The following CHSY3 variants were observed in gnomAD, a reference collection of about 807,000 sequenced individuals.
CHSY3 encodes the protein N-acetylgalactosaminyl-proteoglycan 3-beta-glucuronosyltransferase 3.
Under a neutral mutation model 67.2 loss-of-function variants are expected in CHSY3, and 35 were observed. The ratio of observed to expected loss-of-function variants is 0.52; its 90% CI spans 0.40 to 0.69. The LOEUF (loss-of-function observed/expected upper bound fraction) is 0.69, where lower values mean the gene tolerates loss of function less well. Among genes scored for constraint, CHSY3 ranks in the 30% least tolerant of loss-of-function variants. The pLI, the probability that CHSY3 is intolerant of heterozygous loss-of-function variation, is 0.00. For missense variants in CHSY3, 1,069 were observed against 1,138.5 expected (o/e 0.94, Z 0.88); for synonymous variants, 474 against 434.7 (o/e 1.09, Z -1.12).
chr5:130,001,299 T>A (rs1164205057), intron 2 of CHSY3: 2 of 225,464 alleles, frequency 8.9e-6, no homozygotes, highest in South Asian at 1.6e-4. Flanking sequence ...TGAGAAACAG[T>A]CATGATTCAT....
At chr5:129,952,703 C>G (rs1008755060) in intron 2 of CHSY3, among the ~76,000 whole-genome samples, 3 of 152,038 alleles carry the variant, frequency 2.0e-5, no homozygotes, top group Admixed American at 1.3e-4. Flanking sequence ...CTTTTGCATC[C>G]ACTAGGAAAG....
rs754530114 is a variant in CHSY3 at position 129,904,940 on chromosome 5, G to A, written c.111G>A (p.Arg37=). The A allele has an allele frequency of 4.5e-6, 7 of 1,553,450 alleles. No individual in the cohort carries two copies. In the East Asian group the frequency reaches 1.2e-4, roughly 26 times the overall value. Residue 37 remains arginine (R), a synonymous_variant, in exon 1 of 3, where the codon AGG becomes AGA. Transcript: ENST00000305031. ...CCAGGGTGGCGGAGCTGAGCGAGAG[G>A]AAGAGACGTGGCTCCAGCCTCTGCT... ...IAPRVAELSE[R]KRRGSSLCSY... is the part of the protein sequence containing the mutation.
chr5:130,038,226 ATGTTCCCAGAACTTT>A (rs991783457), intron 2 of CHSY3, among the ~76,000 whole-genome samples: 6 of 152,046 alleles, frequency 3.9e-5, no homozygotes, highest in African/African-American at 1.2e-4. Context: ...CCTTTCCTTT[ATGTTCCCAGAACTTT>A]TGTTCCTGAA....
At chr5:130,054,857 A>G (rs566106101) in intron 2 of CHSY3, among the ~76,000 whole-genome samples, 4 of 152,210 alleles carry the variant, frequency 2.6e-5, no homozygotes, top group African/African-American at 4.8e-5. Flanking sequence ...GTTGGAGTGT[A>G]CTAGTAGTTT....
At chr5:130,095,416 A>T (rs959350501) in intron 2 of CHSY3, among the ~76,000 whole-genome samples, 2 of 152,192 alleles carry the variant, frequency 1.3e-5, no homozygotes, top group Non-Finnish European at 2.9e-5. Context: ...GGAACCGGGG[A>T]CGAAACCTAG....
intron 2 of CHSY3, among the ~76,000 whole-genome samples, chr5:130,050,436 T>G (rs1445171747): frequency 6.6e-6 from 1 of 152,104 alleles, no homozygotes; most frequent in Non-Finnish European, 1.5e-5. Context: ...AGAATACAAA[T>G]TTATGGTTAT....
intron 2 of CHSY3, among the ~76,000 whole-genome samples, chr5:129,924,154 A>G (rs1761015392): frequency 6.6e-6 from 1 of 152,182 alleles, no homozygotes; most frequent in African/African-American, 2.4e-5. Context: ...GCATAAAAAT[A>G]CATATAATGA....
chr5:130,165,175 C>T (rs1009684500), intron 2 of CHSY3, among the ~76,000 whole-genome samples: 2 of 152,094 alleles, frequency 1.3e-5, no homozygotes. Context: ...CATGTTGCAT[C>T]ATGGAGAACT....
At chr5:130,001,754 C>A in intron 2 of CHSY3, 1 of 838,362 alleles carries the variant, frequency 1.2e-6, no homozygotes, top group Non-Finnish European at 1.4e-6. Flanking sequence ...AAATTGGCAT[C>A]CCTTATTCTG....
intron 2 of CHSY3, among the ~76,000 whole-genome samples, chr5:130,018,314 T>C (rs1328212098): frequency 6.6e-6 from 1 of 152,160 alleles, no homozygotes; most frequent in Admixed American, 6.5e-5. Context: ...TCAAATAAAT[T>C]GCAGTGCCTC....
chr5:130,130,753 C>T (rs1768455803), intron 2 of CHSY3, among the ~76,000 whole-genome samples: 1 of 152,164 alleles, frequency 6.6e-6, no homozygotes, highest in East Asian at 1.9e-4. Flanking sequence ...ACTGCCTTTA[C>T]TCCCTCAGGT....
At chr5:129,920,430 G>C (rs1358607883) in intron 2 of CHSY3, among the ~76,000 whole-genome samples, 1 of 152,134 alleles carries the variant, frequency 6.6e-6, no homozygotes, top group Non-Finnish European at 1.5e-5. Flanking sequence ...ATTTTTGGTA[G>C]AGATGGGATT....
intron 2 of CHSY3, among the ~76,000 whole-genome samples, chr5:130,156,316 A>G (rs1223822640): frequency 6.6e-6 from 1 of 152,172 alleles, no homozygotes; most frequent in East Asian, 1.9e-4. Context: ...GGTTTCCCCC[A>G]TTTTGTGCAA....
intron 2 of CHSY3, among the ~76,000 whole-genome samples, chr5:129,920,306 C>T (rs1760877037): frequency 6.6e-6 from 1 of 152,210 alleles, no homozygotes; most frequent in Non-Finnish European, 1.5e-5. Context: ...TGCACTGGTG[C>T]ACGATCTTGG....
chr5:130,135,738 C>G (rs1300798173), intron 2 of CHSY3, among the ~76,000 whole-genome samples: 1 of 152,120 alleles, frequency 6.6e-6, no homozygotes, highest in Admixed American at 6.5e-5. Flanking sequence ...GGAAATAACT[C>G]CGTGTGTCTC....
chr5:130,124,549 C>T (rs562601026), intron 2 of CHSY3, among the ~76,000 whole-genome samples: 1 of 151,824 alleles, frequency 6.6e-6, no homozygotes, highest in South Asian at 2.1e-4. Context: ...TCCACCTCCT[C>T]AGTTCAAGCA....
chr5:130,031,461 A>C (rs1024060382), intron 2 of CHSY3, among the ~76,000 whole-genome samples: 2 of 152,154 alleles, frequency 1.3e-5, no homozygotes, highest in African/African-American at 4.8e-5. Flanking sequence ...TTCTACTGTT[A>C]AAGAATTGGG....
At chr5:130,162,401 G>A (rs553016756) in intron 2 of CHSY3, among the ~76,000 whole-genome samples, 1 of 152,266 alleles carries the variant, frequency 6.6e-6, no homozygotes, top group East Asian at 1.9e-4. Flanking sequence ...TAGACAAATA[G>A]TGTGCTTTGC....
At chr5:130,184,192 T>TA in intron 2 of CHSY3, 37 bp from the exon 3 acceptor site, 1 of 1,419,068 alleles carries the variant, frequency 7.0e-7, no homozygotes, top group East Asian at 2.4e-5. Context: ...ATAAATCTTT[T>TA]AAAATTAACC....
Sources: gnomAD v4.1 joint callset for allele counts (sites outside exome capture counted in the v4.1 genomes callset) on GRCh38, gnomAD v4.1.1 for gene constraint, MANE v1.5 for transcripts, NCBI Gene and HGNC (gene_info 2026-07-23, HGNC 2026-07-21) for gene names.